The following MYH7 variants were observed in gnomAD, a reference collection of about 807,000 sequenced individuals.
MYH7 encodes myosin-7.
Under a neutral mutation model 225.4 loss-of-function variants are expected in MYH7, and 129 were observed. The observed-to-expected ratio is 0.57, with a 90% CI of 0.50 to 0.66. MYH7 has a LOEUF of 0.66. MYH7 is among the 30% of genes least tolerant of loss of function. The pLI, the probability that MYH7 is intolerant of heterozygous loss-of-function variation, is 0.00. For synonymous variants in MYH7, 971 were observed against 1,007.6 expected, an observed-to-expected ratio of 0.96 and a Z score of 0.69; for missense variants, 1,649 against 2,517.0, an observed-to-expected ratio of 0.66 and a Z score of 7.38.
chr14:23,423,436 A>AACACACACACACACACACACACAC (rs61677533), intron 24 of MYH7, 111 bp downstream of exon 24: 9 of 824,958 alleles, frequency 1.1e-5, no homozygotes, highest in Non-Finnish European at 1.8e-5. Context: ...CATAAACACA[A>AACACACACACACACACACACACAC]ACACACACAC....
At chr14:23,417,435 G>C in intron 31 of MYH7, 68 bp downstream of exon 31, 1 of 1,611,940 alleles carries the variant, frequency 6.2e-7, no homozygotes, top group Non-Finnish European at 8.5e-7. Flanking sequence ...GGATGGCTCT[G>C]GCCTCTCACT....
At chr14:23,417,479 C>A in intron 31 of MYH7, 24 bp downstream of exon 31, 1 of 1,612,294 alleles carries the variant, frequency 6.2e-7, no homozygotes, top group Non-Finnish European at 8.5e-7. Context: ...TGCATGCTGG[C>A]TGCGGCCCCC....
intron 25 of MYH7, chr14:23,421,835 C>T: frequency 1.0e-6 from 1 of 957,536 alleles, no homozygotes. Flanking sequence ...AGGGACTTTC[C>T]TAAGAGGCTC....
At chr14:23,429,138 G>C (rs370925780) in intron 13 of MYH7, 34 bp from the exon 14 acceptor site, 2 of 1,614,170 alleles carry the variant, frequency 1.2e-6, no homozygotes, top group Non-Finnish European at 8.5e-7. Flanking sequence ...TATTGAGCAG[G>C]GTTGTTGGGA....
At position 23,424,849 on chromosome 14, in the gene MYH7, C is replaced by T. The variant is rs558673680; in HGVS notation, c.2599G>A (p.Glu867Lys). Residue 867 changes from glutamate (E) to lysine (K), a missense_variant, in exon 22 of 40, where the codon GAG becomes AAG. Around this residue, in one of 12 missense-constraint regions of MYH7, gnomAD observed 282 missense variants for 315.3 expected, o/e 0.89. Coordinates refer to ENST00000355349, the MANE Select transcript of MYH7 (RefSeq NM_000257.4). Reference sequence around the variant, plus strand: ...TCCTCCAGCTCCTTGCGGCGAGCCTCGGACTTCTCTAGCGCCTCTTTGAGG... The same window carrying T: ...TCCTCCAGCTCCTTGCGGCGAGCCTTGGACTTCTCTAGCGCCTCTTTGAGG... ...TRLKEALEKS[E>K]ARRKELEEKM... The T allele has an allele frequency of 1.9e-5, 31 of 1,614,236 alleles. No homozygotes were observed. Among genetic ancestry groups the T allele is most frequent in the East Asian group, 6.7e-5 (3 of 44,884 alleles).
At chr14:23,417,779 G>A in intron 30 of MYH7, 93 bp from the exon 31 acceptor site, 1 of 1,498,134 alleles carries the variant, frequency 6.7e-7, no homozygotes, top group Non-Finnish European at 9.1e-7. Context: ...GACAATCCTT[G>A]AAACCTCAGA....
intron 9 of MYH7, 136 bp from the exon 10 acceptor site, chr14:23,431,135 G>C: frequency 2.7e-6 from 2 of 739,306 alleles, no homozygotes; most frequent in Admixed American, 4.1e-5. Flanking sequence ...GACACAAAGA[G>C]ATCACACAGA....
At chr14:23,417,801 A>C in intron 30 of MYH7, 115 bp from the exon 31 acceptor site, 1 of 1,414,438 alleles carries the variant, frequency 7.1e-7, no homozygotes, top group East Asian at 2.4e-5. Context: ...GTGTAGCTGG[A>C]GAAGCCTGAG....
Position 23,431,257 on chromosome 14 carries a change from G to C in MYH7, c.796+161C>G, listed in dbSNP as rs551410232. Among the ~76,000 whole-genome samples, 45 of 152,276 alleles carry C rather than the reference G, an allele frequency of 3.0e-4. 1 individual carries two copies. Among genetic ancestry groups the C allele is most frequent in the African/African-American group, 9.9e-4 (41 of 41,554 alleles). On this transcript the variant is annotated intron_variant, in intron 9 of 39. Coordinates refer to ENST00000355349, the MANE Select transcript of MYH7 (RefSeq NM_000257.4). ...GGAGAAAGATGCAGAGGAAGTCTCA[G>C]AGAGAGACAGATATGTAGACCTGAA... is the stretch of plus-strand genomic sequence containing the variant.
chr14:23,431,603 G>A lies in MYH7; in HGVS notation c.714C>T (p.Asn238=), dbSNP rs202141819. ...CACTCACGAAGCGGGAGGAGTTGTC[G>A]TTCCGGACGGTCTTGGCATTGCCAA... The part of the protein sequence containing the change: ...EAFGNAKTVR[N]DNSSRFGKFI... Residue 238 remains asparagine, a synonymous_variant, in exon 8 of 40, where the codon AAC becomes AAT. Coordinates refer to ENST00000355349, the MANE Select transcript of MYH7 (RefSeq NM_000257.4). The A allele has an allele frequency of 3.6e-5, 58 of 1,614,110 alleles. No individual in the cohort carries two copies. The highest frequency in any genetic ancestry group is 1.6e-4 in the Middle Eastern group (1 of 6,084).
At chr14:23,420,274 C>T in intron 26 of MYH7, 40 bp from the exon 27 acceptor site, 2 of 1,600,296 alleles carry the variant, frequency 1.2e-6, no homozygotes, top group South Asian at 2.2e-5. Flanking sequence ...CGCCTGGACC[C>T]CTCCACTGGA....
chr14:23,420,016 G>A lies in MYH7; in HGVS notation c.3555C>T (p.His1185=), dbSNP rs1387218063. The A allele has an allele frequency of 1.3e-6, 2 of 1,581,516 alleles. No individual in the cohort carries two copies. Among genetic ancestry groups the A allele is most frequent in the Non-Finnish European group, 1.7e-6 (2 of 1,158,970 alleles). Reference sequence around the variant, plus strand: ...TGCGCAGGGCCGCGGCAGTGGCCTCGTGCTGCAGCGTGGCCTCCTCCAGGT... The same window carrying A: ...TGCGCAGGGCCGCGGCAGTGGCCTCATGCTGCAGCGTGGCCTCCTCCAGGT... ...RRDLEEATLQ[H]EATAAALRKK... The change falls in exon 27 of 40, where the codon CAC becomes CAT. Residue 1185 remains histidine (H), a synonymous_variant. Transcript: ENST00000355349.
chr14:23,419,692 A>G, intron 27 of MYH7, 83 bp from the exon 28 acceptor site: 1 of 1,612,514 alleles, frequency 6.2e-7, no homozygotes, highest in Non-Finnish European at 8.5e-7. Context: ...GAAGGAGAAA[A>G]GAAGAGGGAA....
At chr14:23,414,907 G>A (rs1892118470) in intron 37 of MYH7, 88 bp downstream of exon 37, 3 of 1,594,556 alleles carry the variant, frequency 1.9e-6, no homozygotes, top group Non-Finnish European at 2.6e-6. Context: ...CCCTGGAAGA[G>A]GCTAAGAGCA....
intron 37 of MYH7, among the ~76,000 whole-genome samples, chr14:23,414,418 G>A (rs1892100622): frequency 6.6e-6 from 1 of 152,162 alleles, no homozygotes; most frequent in African/African-American, 2.4e-5. Context: ...CTGGACCTCG[G>A]CACATGCTGG....
Position 23,432,753 on chromosome 14 carries a change from A to G in MYH7, c.388T>C (p.Trp130Arg). The G allele has an allele frequency of 6.2e-7, 1 of 1,614,128 alleles. No individual in the cohort carries two copies. Among genetic ancestry groups the G allele is most frequent in the South Asian group, 1.1e-5 (1 of 91,076 alleles). Residue 130 changes from tryptophan (W) to arginine (R), a missense_variant, in exon 5 of 40, where the codon TGG becomes CGG. Transcript: ENST00000355349. ...ACCTCAGGAGTGTACACCGGCAGCC[A>G]CTTGTAAGGGTTGACGGTGACACAG... ...LFCVTVNPYK[W>R]LPVYTPEVVA...
chr14:23,433,150 C>G lies in MYH7; in HGVS notation c.279G>C (p.Leu93=). The G allele has an allele frequency of 6.2e-7, 1 of 1,614,128 alleles. No individual in the cohort carries two copies. Among genetic ancestry groups the G allele is most frequent in the African/African-American group, 1.3e-5 (1 of 75,022 alleles). Residue 93 remains leucine, a synonymous_variant, in exon 4 of 40, where the codon CTG becomes CTC. Transcript: ENST00000355349. This position sits in a 1 kb window ranked among gnomAD's most constrained non-coding sequence, Gnocchi z 4.1. ...GCACCGCGGGCTCATGCAGGAAGGTCAGCATGGCCATGTCCTCGATTTTGT... is the reference window on the plus strand; with the variant it reads ...GCACCGCGGGCTCATGCAGGAAGGTGAGCATGGCCATGTCCTCGATTTTGT... ...KFDKIEDMAM[L]TFLHEPAVLY...
At position 23,416,158 on chromosome 14, in the gene MYH7, GA is replaced by G. The variant is rs1892198745; in HGVS notation, c.4798del (p.Ser1600ProfsTer13). On this transcript the variant is annotated frameshift_variant, in exon 34 of 40. Transcript: ENST00000355349. LOFTEE classifies it high-confidence loss of function. Reference sequence around the variant, plus strand: ...GCGGCTGCGTGTCTCTGCGTCCAGGGAGGTCTGCAGCGAGTCCACCACCCGC... The same window carrying G: ...GCGGCTGCGTGTCTCTGCGTCCAGGGGGTCTGCAGCGAGTCCACCACCCGC... ...HLRVVDSLQT[S>X]LDAETRSRNE... The G allele has an allele frequency of 6.2e-7, 1 of 1,614,060 alleles. No homozygotes were observed. The highest frequency in any genetic ancestry group is 8.5e-7 in the Non-Finnish European group (1 of 1,180,054).
At chr14:23,418,894 C>T (rs958023490) in intron 29 of MYH7, among the ~76,000 whole-genome samples, 10 of 152,214 alleles carry the variant, frequency 6.6e-5, no homozygotes, top group Admixed American at 5.9e-4. Flanking sequence ...GCAGTCCCTA[C>T]ATCCCCTAGC....
Sources: allele counts gnomAD v4.1 joint callset (sites outside exome capture counted in the v4.1 genomes callset), GRCh38; gene constraint gnomAD v4.1.1; regional missense constraint gnomAD v4.1.1; non-coding constraint Gnocchi (gnomAD v3.1); transcripts MANE v1.5; gene names NCBI Gene and HGNC (gene_info 2026-07-23, HGNC 2026-07-21).